The following TGFB2 variants were observed in gnomAD, a reference collection of about 807,000 sequenced individuals.
TGFB2 encodes the protein transforming growth factor beta-2 proprotein.
Under a neutral mutation model 42.7 loss-of-function variants are expected in TGFB2, and 13 were observed. The ratio of observed to expected loss-of-function variants is 0.30; its 90% CI spans 0.20 to 0.48. The LOEUF is 0.48. TGFB2 is among the 20% of genes least tolerant of loss of function. The probability of loss-of-function intolerance (pLI) is 0.99; values close to 1 mark genes in which losing one functional copy is unlikely to be tolerated. For missense variants in TGFB2, 390 were observed against 517.5 expected (o/e 0.75, Z 2.39); for synonymous variants, 193 against 193.6 (o/e 1.00, Z 0.03).
intron 2 of TGFB2, among the ~76,000 whole-genome samples, chr1:218,408,437 T>C (rs751952579): frequency 8.5e-5 from 13 of 152,124 alleles, no homozygotes; most frequent in Non-Finnish European, 1.9e-4. Context: ...AGCTTTTAGT[T>C]TGGAGAAGCA....
intron 1 of TGFB2, among the ~76,000 whole-genome samples, chr1:218,347,471 A>G (rs1013982707): frequency 2.0e-5 from 3 of 151,252 alleles, no homozygotes; most frequent in Admixed American, 6.6e-5. Flanking sequence ...ACGAAGGGTT[A>G]AAAAAAGTGT....
At chr1:218,414,361 G>GACAA (rs1036000621) in intron 2 of TGFB2, among the ~76,000 whole-genome samples, 4 of 151,908 alleles carry the variant, frequency 2.6e-5, no homozygotes, top group African/African-American at 7.3e-5. Flanking sequence ...AAATGCTACT[G>GACAA]ACAAACAAAC....
intron 1 of TGFB2, among the ~76,000 whole-genome samples, chr1:218,347,369 T>G (rs908281160): frequency 6.6e-6 from 1 of 152,212 alleles, no homozygotes; most frequent in East Asian, 1.9e-4. Context: ...TCTGTCAAAC[T>G]AGAGGTGCTC....
chr1:218,406,164 A>G (rs1571876109), intron 2 of TGFB2, among the ~76,000 whole-genome samples: 1 of 148,498 alleles, frequency 6.7e-6, no homozygotes, highest in South Asian at 2.1e-4. Context: ...TTCTAATTCT[A>G]CCCACTGTCT....
chr1:218,374,456 T>C (rs1210251921), intron 1 of TGFB2, among the ~76,000 whole-genome samples: 1 of 152,202 alleles, frequency 6.6e-6, no homozygotes, highest in Non-Finnish European at 1.5e-5. Flanking sequence ...TTTTAGTCAA[T>C]TGCTATGCTC....
chr1:218,388,777 T>TAAC (rs1658221686), intron 1 of TGFB2, among the ~76,000 whole-genome samples: 2 of 152,232 alleles, frequency 1.3e-5, no homozygotes, highest in South Asian at 4.1e-4. Context: ...GCACTAGTAA[T>TAAC]AACTATTCAC....
At position 218,346,814 on chromosome 1, in the gene TGFB2, A is replaced by C; in HGVS notation, c.113A>C (p.Glu38Ala). 1 of 1,614,148 alleles carries C rather than the reference A, an allele frequency of 6.2e-7. No homozygotes were observed. The highest frequency in any genetic ancestry group is 8.5e-7 in the Non-Finnish European group (1 of 1,180,030). ...GACCAGTTCATGCGCAAGAGGATCG[A>C]GGCGATCCGCGGGCAGATCCTGAGC... ...DMDQFMRKRI[E>A]AIRGQILSKL... The change falls in exon 1 of 7, where the codon GAG becomes GCG. Residue 38 changes from glutamate (E) to alanine (A), a missense_variant. Physicochemically the swap from Glu to Ala is moderately radical, Grantham distance 107. Coordinates refer to ENST00000366930, the MANE Select transcript of TGFB2 (RefSeq NM_003238.6). The surrounding 1 kb of genome is among the most constrained non-coding windows in gnomAD (Gnocchi z 4.9).
chr1:218,377,181 C>T (rs1657770022), intron 1 of TGFB2, among the ~76,000 whole-genome samples: 1 of 152,212 alleles, frequency 6.6e-6, no homozygotes, highest in South Asian at 2.1e-4. Context: ...CCACTGTGCC[C>T]AGCTGAAACC....
rs1571859502 is a variant in TGFB2, at chr1:218,387,251, T to A, written c.347-17918T>A. 2.0e-5 allele frequency among the ~76,000 whole-genome samples: 3 copies of A among 147,980 alleles called. No homozygotes were observed. In the South Asian group the frequency reaches 6.5e-4, roughly 32 times the overall value. ...CAGTATGGCAGGGGTGGGAGGGGAGTGGAGGGGAGACAGCAGGGTGCCCAT... is the reference window on the plus strand; with the variant it reads ...CAGTATGGCAGGGGTGGGAGGGGAGAGGAGGGGAGACAGCAGGGTGCCCAT... On this transcript the variant is annotated intron_variant, in intron 1 of 6. Coordinates refer to ENST00000366930, the MANE Select transcript of TGFB2 (RefSeq NM_003238.6).
chr1:218,354,213 A>T (rs1656958920), intron 1 of TGFB2, among the ~76,000 whole-genome samples: 1 of 152,188 alleles, frequency 6.6e-6, no homozygotes, highest in African/African-American at 2.4e-5. Flanking sequence ...ACAGAATGAG[A>T]TTGAACTACA....
In TGFB2 at chr1:218,427,702, A is replaced by G. The variant is rs1659669634; in HGVS notation, c.511-6380A>G. 2.6e-5 allele frequency among the ~76,000 whole-genome samples: 4 copies of G among 152,104 alleles called. No homozygotes were observed. The South Asian group carries it at 8.3e-4, about 32-fold the overall frequency. ...GACTGTGTAGTATTCCATGGTGTAT[A>G]TGTGCCACATTTTCTTAATCCAGTC... On this transcript the variant is annotated intron_variant, in intron 2 of 6. Transcript: ENST00000366930.
rs1308057092 is a variant in TGFB2 at position 218,442,781 on chromosome 1, G to T, written c.*1419G>T. ...ACAAATTTTTATGTTAGGAAAAGGA[G>T]GAATGTTATAGATACATAGAAAATT... On this transcript the variant is annotated 3_prime_UTR_variant, in exon 7 of 7. Coordinates refer to ENST00000366930, the MANE Select transcript of TGFB2 (RefSeq NM_003238.6). 6.6e-6 allele frequency: 1 copy of T among 151,856 alleles called. No individual in the cohort carries two copies. Among genetic ancestry groups the T allele is most frequent in the African/African-American group, 2.4e-5 (1 of 41,336 alleles). The allele number at this position is 151,856 out of a possible 1,614,324, so 9.4% of individuals were successfully genotyped here.
chr1:218,345,871 G>C lies in TGFB2; in HGVS notation c.-831G>C, dbSNP rs930687767. Among the ~76,000 whole-genome samples, 4 of 152,062 alleles carry C rather than the reference G, an allele frequency of 2.6e-5. No homozygotes were observed. The highest frequency in any genetic ancestry group is 9.7e-5 in the African/African-American group (4 of 41,418). On this transcript the variant is annotated 5_prime_UTR_variant, in exon 1 of 7. Coordinates refer to ENST00000366930, the MANE Select transcript of TGFB2 (RefSeq NM_003238.6). ...TGCAAGCGGCGGCGGCAGCAACGTG[G>C]AGTAACCAAGCGGGTCAGCGCGCGC...
At chr1:218,425,622 G>A (rs545771062) in intron 2 of TGFB2, among the ~76,000 whole-genome samples, 1 of 152,186 alleles carries the variant, frequency 6.6e-6, no homozygotes, top group East Asian at 1.9e-4. Context: ...AAACTACAAT[G>A]GTTGTACAAA....
At chr1:218,354,915 G>T (rs1173666355) in intron 1 of TGFB2, among the ~76,000 whole-genome samples, 1 of 152,088 alleles carries the variant, frequency 6.6e-6, no homozygotes, top group Non-Finnish European at 1.5e-5. Flanking sequence ...CTGTTTGTTT[G>T]TTTGTGAGAC....
intron 1 of TGFB2, among the ~76,000 whole-genome samples, chr1:218,374,643 T>C (rs139973312): frequency 9.2e-5 from 14 of 152,334 alleles, no homozygotes; most frequent in African/African-American, 3.1e-4. Flanking sequence ...TGCTTTACTC[T>C]AAGTAGCATT....
chr1:218,407,275 C>T (rs997781544), intron 2 of TGFB2, among the ~76,000 whole-genome samples: 2 of 152,064 alleles, frequency 1.3e-5, no homozygotes, highest in Non-Finnish European at 2.9e-5. Flanking sequence ...GATGAGTTCT[C>T]GCTTTGTTGC....
At chr1:218,393,893 C>T (rs917168169) in intron 1 of TGFB2, among the ~76,000 whole-genome samples, 2 of 151,182 alleles carry the variant, frequency 1.3e-5, no homozygotes, top group Non-Finnish European at 2.9e-5. Flanking sequence ...GACTCCTCTA[C>T]GTTAGGCATC....
At chr1:218,361,784 G>A (rs1657220206) in intron 1 of TGFB2, among the ~76,000 whole-genome samples, 1 of 152,178 alleles carries the variant, frequency 6.6e-6, no homozygotes. Context: ...TGTCTTTGCT[G>A]ACTGGTTATT....
Sources: gnomAD v4.1 joint callset for allele counts (sites outside exome capture counted in the v4.1 genomes callset) on GRCh38, gnomAD v4.1.1 for gene constraint, Gnocchi (gnomAD v3.1) non-coding constraint, MANE v1.5 for transcripts, NCBI Gene and HGNC (gene_info 2026-07-23, HGNC 2026-07-21) for gene names.